Variants in HIVEP3 observed in about 807,000 individuals in gnomAD.
The protein encoded by HIVEP3 is HIVEP zinc finger 3, also known as transcription factor HIVEP3.
A neutral mutation model predicts 152.8 loss-of-function variants in HIVEP3; 49 were observed. The observed-to-expected ratio is 0.32, with a 90% confidence interval of 0.26 to 0.41. The LOEUF is 0.41. HIVEP3 is among the 10% of genes least tolerant of loss of function. The probability of loss-of-function intolerance (pLI) is 1.00; values close to 1 mark genes in which losing one functional copy is unlikely to be tolerated. For missense variants in HIVEP3, 2,790 were observed against 3,103.3 expected (o/e 0.90, Z 2.40); for synonymous variants, 1,269 against 1,289.0 (o/e 0.98, Z 0.33).
chr1:41,569,942 A>T (rs1644227289), intron 5 of HIVEP3, among the ~76,000 whole-genome samples: 1 of 152,252 alleles, frequency 6.6e-6, no homozygotes, highest in Non-Finnish European at 1.5e-5. Flanking sequence ...AGGAATGTCA[A>T]AGAGGCCTGA....
At chr1:41,632,469 C>T (rs762582323) in intron 2 of HIVEP3, among the ~76,000 whole-genome samples, 1 of 152,172 alleles carries the variant, frequency 6.6e-6, no homozygotes, top group African/African-American at 2.4e-5. Context: ...CTCTTGACCT[C>T]GTGATCCACC....
chr1:41,651,714 A>G (rs1167013556), intron 2 of HIVEP3, among the ~76,000 whole-genome samples: 4 of 152,232 alleles, frequency 2.6e-5, no homozygotes, highest in African/African-American at 9.6e-5. Context: ...TTTCATTGAT[A>G]CCAATTTAGA....
intron 1 of HIVEP3, among the ~76,000 whole-genome samples, chr1:41,840,234 A>T (rs1480180892): frequency 1.3e-5 from 2 of 152,202 alleles, no homozygotes; most frequent in Non-Finnish European, 2.9e-5. Flanking sequence ...TTATTTGGAA[A>T]TAGAGTCTTT....
chr1:41,757,277 G>A (rs1229989772), intron 1 of HIVEP3, among the ~76,000 whole-genome samples: 4 of 151,780 alleles, frequency 2.6e-5, no homozygotes, highest in South Asian at 2.1e-4. Context: ...CACCATGCCC[G>A]GCTAATTTTT....
At chr1:41,625,426 C>T (rs552120546) in intron 3 of HIVEP3, among the ~76,000 whole-genome samples, 41 of 152,234 alleles carry the variant, frequency 2.7e-4, no homozygotes, top group African/African-American at 8.9e-4. Flanking sequence ...AAAACTTTAC[C>T]GAATCAGGCA....
intron 2 of HIVEP3, among the ~76,000 whole-genome samples, chr1:41,640,369 C>T (rs929074899): frequency 3.9e-5 from 6 of 152,022 alleles, no homozygotes. Flanking sequence ...CACAGAAAGC[C>T]CCCTGGAACT....
chr1:41,868,210 T>TTG (rs1553125672), intron 1 of HIVEP3, among the ~76,000 whole-genome samples: 2 of 150,200 alleles, frequency 1.3e-5, no homozygotes, highest in Non-Finnish European at 3.0e-5. Context: ...TTTTTTTTTT[T>TTG]GGTCTTGTTT....
intron 3 of HIVEP3, among the ~76,000 whole-genome samples, chr1:41,607,888 C>T (rs1313417630): frequency 6.6e-6 from 1 of 152,170 alleles, no homozygotes; most frequent in Non-Finnish European, 1.5e-5. Context: ...ATCCACAGCA[C>T]ATGACTTCCA....
intron 2 of HIVEP3, among the ~76,000 whole-genome samples, chr1:41,644,232 C>T (rs1263943337): frequency 6.6e-6 from 1 of 152,084 alleles, no homozygotes; most frequent in Non-Finnish European, 1.5e-5. Context: ...TCCCTGTTTC[C>T]CTGTCAGGCT....
At chr1:41,968,786 A>G (rs1237999397) in intron 1 of HIVEP3, among the ~76,000 whole-genome samples, 1 of 152,234 alleles carries the variant, frequency 6.6e-6, no homozygotes, top group African/African-American at 2.4e-5. Context: ...TTTGCAAATG[A>G]CATAATCCTA....
chr1:41,721,981 A>T lies in HIVEP3; in HGVS notation c.-800-20986T>A, dbSNP rs150078465. 2.1e-4 allele frequency among the ~76,000 whole-genome samples: 32 copies of T among 152,336 alleles called. No individual in the cohort carries two copies. The East Asian group carries it at 6.2e-3, about 29-fold the overall frequency. On this transcript the variant is annotated intron_variant, in intron 1 of 8. Transcript: ENST00000372583. ...GGAGTGATGCCTGCACAGACTCTCA[A>T]TGATGAAGCTCTCCATCATCTCTGA...
intron 4 of HIVEP3, among the ~76,000 whole-genome samples, chr1:41,578,780 C>A (rs1644359705): frequency 6.6e-6 from 1 of 152,160 alleles, no homozygotes; most frequent in African/African-American, 2.4e-5. Context: ...CAGACTCTGA[C>A]CCTCAGTTCC....
intron 5 of HIVEP3, among the ~76,000 whole-genome samples, chr1:41,545,018 TAC>T (rs1643696500): frequency 3.1e-5 from 1 of 32,714 alleles, no homozygotes; most frequent in Non-Finnish European, 6.5e-5. Context: ...CCACCACCAC[TAC>T]CACCACCACC....
chr1:42,010,616 C>G (rs1244156981), intron 1 of HIVEP3, among the ~76,000 whole-genome samples: 2 of 152,154 alleles, frequency 1.3e-5, no homozygotes, highest in African/African-American at 4.8e-5. Flanking sequence ...TACCCTCTGG[C>G]TCTACCCTCA....
intron 1 of HIVEP3, among the ~76,000 whole-genome samples, chr1:42,024,473 G>A (rs1453002531): frequency 6.6e-6 from 1 of 152,106 alleles, no homozygotes; most frequent in Non-Finnish European, 1.5e-5. Flanking sequence ...AGCATACATT[G>A]TTAATTTATC....
chr1:41,529,495 A>C (rs1569770059), intron 5 of HIVEP3, among the ~76,000 whole-genome samples: 1 of 43,256 alleles, frequency 2.3e-5, no homozygotes, highest in African/African-American at 7.1e-5. Context: ...CACATACTCC[A>C]CACCCCATCC....
chr1:41,663,349 G>A (rs547604496), intron 2 of HIVEP3, among the ~76,000 whole-genome samples: 1 of 152,366 alleles, frequency 6.6e-6, no homozygotes, highest in South Asian at 2.1e-4. Context: ...CAGGACTAGA[G>A]TGAGGTAAGT....
chr1:41,589,877 A>G (rs1205996597), intron 3 of HIVEP3, among the ~76,000 whole-genome samples: 1 of 152,268 alleles, frequency 6.6e-6, no homozygotes. Context: ...ACTGGCAGTA[A>G]TAAAACATAC....
Position 41,624,240 on chromosome 1 carries a change from C to T in HIVEP3, c.-522+4509G>A, listed in dbSNP as rs149361287. On this transcript the variant is annotated intron_variant, in intron 3 of 8. Coordinates refer to ENST00000372583, the MANE Select transcript of HIVEP3 (RefSeq NM_024503.5). ...TATCCTCCAGTACAAAAATGAGAAC[C>T]ACCAATATTTGCTGAAGGGGTAGTC... 7.7e-3 allele frequency among the ~76,000 whole-genome samples: 1,169 copies of T among 152,282 alleles called. 16 individuals are homozygous for T. Among genetic ancestry groups the T allele is most frequent in the African/African-American group, 0.027 (1,133 of 41,554 alleles).
Sources: allele counts gnomAD v4.1 joint callset (sites outside exome capture counted in the v4.1 genomes callset), GRCh38; gene constraint gnomAD v4.1.1; transcripts MANE v1.5; gene names NCBI Gene and HGNC (gene_info 2026-07-23, HGNC 2026-07-21).